The following PIP5K1C variants were observed in gnomAD, a reference collection of about 807,000 sequenced individuals.
PIP5K1C encodes the protein phosphatidylinositol 4-phosphate 5-kinase type-1 gamma.
PIP5K1C carries 45 observed loss-of-function variants against 80.1 expected under a neutral mutation model. The observed-to-expected ratio is 0.56, with a 90% CI of 0.44 to 0.72. PIP5K1C has a LOEUF of 0.72. Among genes scored for constraint, PIP5K1C ranks in the 30% least tolerant of loss-of-function variants. The pLI is 0.00. For synonymous variants in PIP5K1C, 498 were observed against 420.1 expected (o/e 1.19, Z -2.27); for missense variants, 753 against 954.6 (o/e 0.79, Z 2.78).
intron 7 of PIP5K1C, among the ~76,000 whole-genome samples, chr19:3,652,818 G>C (rs2034499535): frequency 6.6e-6 from 1 of 152,114 alleles, no homozygotes; most frequent in African/African-American, 2.4e-5. Flanking sequence ...GGCTGGCTGG[G>C]AGCTCTGGGC....
At chr19:3,682,266 C>T (rs2035612862) in intron 1 of PIP5K1C, among the ~76,000 whole-genome samples, 2 of 151,586 alleles carry the variant, frequency 1.3e-5, no homozygotes, top group African/African-American at 4.9e-5. Context: ...CCCGGCTACT[C>T]AGGAGGCTGA....
rs777761612 is a variant in PIP5K1C at position 3,633,536 on chromosome 19, G to C, written c.1921-16C>G. 1 of 1,476,248 alleles carries C rather than the reference G, an allele frequency of 6.8e-7. No homozygotes were observed. The highest frequency in any genetic ancestry group is 1.4e-5 in the African/African-American group (1 of 70,958). 91.4% of individuals were successfully genotyped at this position (1,476,248 alleles called of 1,614,324 possible). A position where few individuals can be genotyped will look rare whatever the true frequency, so the allele number is the denominator to read the frequency against. On this transcript the variant is annotated splice_polypyrimidine_tract_variant and intron_variant, in intron 16 of 17. Coordinates refer to ENST00000335312, the MANE Select transcript of PIP5K1C (RefSeq NM_012398.3). ...CATCGGTGGGCTGGCAGGTGGGCGCGCGTGCAGGAGGGCGCGGAAGAGCAG... is the reference window on the plus strand; with the variant it reads ...CATCGGTGGGCTGGCAGGTGGGCGCCCGTGCAGGAGGGCGCGGAAGAGCAG...
chr19:3,646,823 C>T (rs2034237271), intron 10 of PIP5K1C, among the ~76,000 whole-genome samples: 1 of 152,118 alleles, frequency 6.6e-6, no homozygotes, highest in African/African-American at 2.4e-5. Context: ...GACGTTAGTC[C>T]TCAGTGCCTG....
intron 5 of PIP5K1C, among the ~76,000 whole-genome samples, chr19:3,657,178 C>T (rs1948665025): frequency 6.6e-6 from 1 of 152,198 alleles, no homozygotes; most frequent in South Asian, 2.1e-4. Flanking sequence ...TTCTCTGCCC[C>T]TTTTTCTCAG....
At chr19:3,684,490 TC>T (rs2035689832) in intron 1 of PIP5K1C, among the ~76,000 whole-genome samples, 1 of 152,164 alleles carries the variant, frequency 6.6e-6, no homozygotes, top group African/African-American at 2.4e-5. Flanking sequence ...TTGGAATCCC[TC>T]CAGTACGATG....
chr19:3,700,254 G>T, intron 1 of PIP5K1C, 43 bp downstream of exon 1: 1 of 1,104,690 alleles, frequency 9.1e-7, no homozygotes, highest in South Asian at 2.8e-5. Context: ...TCGGCGCTCG[G>T]ACGAGCCCAG....
At chr19:3,661,840 T>A in intron 4 of PIP5K1C, 31 bp downstream of exon 4, 2 of 1,608,572 alleles carry the variant, frequency 1.2e-6, no homozygotes, top group Non-Finnish European at 1.7e-6. Context: ...GTGTGCTGGG[T>A]GAGCCCTGAG....
chr19:3,643,018 C>CT, intron 13 of PIP5K1C, 79 bp from the exon 14 acceptor site: 1 of 1,545,272 alleles, frequency 6.5e-7, no homozygotes, highest in East Asian at 2.2e-5. Context: ...GCCTACCCGC[C>CT]TGCCTACCTG....
At chr19:3,687,179 G>A (rs747830093) in intron 1 of PIP5K1C, among the ~76,000 whole-genome samples, 2 of 150,744 alleles carry the variant, frequency 1.3e-5, no homozygotes, top group Non-Finnish European at 3.0e-5. Context: ...GGTGAAAAGA[G>A]TGAGACTCCG....
intron 16 of PIP5K1C, among the ~76,000 whole-genome samples, chr19:3,634,645 G>A (rs1283710899): frequency 2.0e-5 from 3 of 152,234 alleles, no homozygotes; most frequent in East Asian, 1.9e-4. Context: ...CCATGCCTCT[G>A]CCAGCTCCCA....
At chr19:3,653,925 G>A (rs569840782) in intron 6 of PIP5K1C, among the ~76,000 whole-genome samples, 7 of 152,232 alleles carry the variant, frequency 4.6e-5, no homozygotes, top group Non-Finnish European at 1.0e-4. Flanking sequence ...AGGTCTGGAG[G>A]CCGGAAACGC....
At chr19:3,687,596 C>T (rs143424831) in intron 1 of PIP5K1C, among the ~76,000 whole-genome samples, 6 of 152,234 alleles carry the variant, frequency 3.9e-5, no homozygotes, top group Admixed American at 2.0e-4. Context: ...CAGATACACA[C>T]ATGCATACAC....
chr19:3,643,457 G>C, intron 12 of PIP5K1C, 76 bp from the exon 13 acceptor site: 7 of 1,575,426 alleles, frequency 4.4e-6, no homozygotes, highest in Non-Finnish European at 5.2e-6. Flanking sequence ...CCTGAGGCTT[G>C]GCTCACCCTG....
At position 3,637,793 on chromosome 19, in the gene PIP5K1C, C is replaced by T. The variant is rs1398245534; in HGVS notation, c.1920+1091G>A. 1.3e-6 allele frequency: 2 copies of T among 1,534,312 alleles called. No homozygotes were observed. The highest frequency in any genetic ancestry group is 2.7e-5 in the African/African-American group (2 of 72,982). ...GGCAGGGGCAGGACCGAGGACCCTT[C>T]TCCCTTCTCTGCTGCCCACCTGGCA... is the stretch of plus-strand genomic sequence containing the variant. On this transcript the variant is annotated intron_variant, in intron 16 of 17. Transcript: ENST00000335312. This position sits in a 1 kb window ranked among gnomAD's most constrained non-coding sequence, Gnocchi z 7.0.
Position 3,653,325 on chromosome 19 carries a change from T to C in PIP5K1C, c.886A>G (p.Ser296Gly). 4 of 1,610,704 alleles carry C rather than the reference T, an allele frequency of 2.5e-6. No homozygotes were observed. The highest frequency in any genetic ancestry group is 2.7e-5 in the African/African-American group (2 of 75,052). The stretch of plus-strand genomic sequence containing the variant: ...CGCTGCAGCGTCTTGACCAGGGCGC[T>C]GAAGGTGTCGGCGTCCAGCAGGAGC... ...EGLLLDADTF[S>G]ALVKTLQRDC... Residue 296 changes from serine (S) to glycine (G), a missense_variant, in exon 7 of 18, where the codon AGC becomes GGC. Around this residue, in one of 6 missense-constraint regions of PIP5K1C, gnomAD observed 105 missense variants for 133.4 expected, o/e 0.79. Transcript: ENST00000335312.
chr19:3,644,790 C>CG (rs2034143013), intron 11 of PIP5K1C, among the ~76,000 whole-genome samples: 1 of 152,184 alleles, frequency 6.6e-6, no homozygotes, highest in African/African-American at 2.4e-5. Flanking sequence ...GGTGATGTCC[C>CG]GCACAGGGCC....
At chr19:3,644,062 G>C (rs1237630192) in intron 12 of PIP5K1C, 25 bp downstream of exon 12, 1 of 1,608,882 alleles carries the variant, frequency 6.2e-7, no homozygotes, top group African/African-American at 1.3e-5. Flanking sequence ...GCGCCCACAA[G>C]CGCACTCTGC....
chr19:3,677,435 T>G (rs1229936352), intron 1 of PIP5K1C, among the ~76,000 whole-genome samples: 1 of 151,630 alleles, frequency 6.6e-6, no homozygotes, highest in Non-Finnish European at 1.5e-5. Flanking sequence ...ATACAAAAAT[T>G]AGGCGGGTGT....
intron 1 of PIP5K1C, among the ~76,000 whole-genome samples, chr19:3,693,151 C>G (rs1361332784): frequency 6.6e-6 from 1 of 152,158 alleles, no homozygotes. Context: ...GCTCCCAGCA[C>G]CCGGCCACAG....
Sources: allele counts gnomAD v4.1 joint callset (sites outside exome capture counted in the v4.1 genomes callset), GRCh38; gene constraint gnomAD v4.1.1; regional missense constraint gnomAD v4.1.1; non-coding constraint Gnocchi (gnomAD v3.1); transcripts MANE v1.5; gene names NCBI Gene and HGNC (gene_info 2026-07-23, HGNC 2026-07-21).